HHAT: variants seen among roughly 807,000 people sequenced by gnomAD.
The protein encoded by HHAT is hedgehog acyltransferase, also known as protein-cysteine N-palmitoyltransferase HHAT.
Under a neutral mutation model 70.8 loss-of-function variants are expected in HHAT, and 47 were observed. The ratio of observed to expected loss-of-function variants is 0.66; its 90% CI spans 0.53 to 0.85. HHAT has a LOEUF of 0.85. HHAT is among the 40% of genes least tolerant of loss of function. The probability of loss-of-function intolerance (pLI) is 0.00; values close to 1 mark genes in which losing one functional copy is unlikely to be tolerated. For synonymous variants in HHAT, 228 were observed against 247.6 expected (o/e 0.92, Z 0.74); for missense variants, 609 against 604.8 (o/e 1.01, Z -0.07).
rs772866518 is a variant in HHAT at position 210,513,190 on chromosome 1, T to C, written c.1043+2T>C. On this transcript the variant is annotated splice_donor_variant, in intron 9 of 11. Transcript: ENST00000261458. LOFTEE classifies it high-confidence loss of function. ...TGGACTGCATAATTTCTTAATCAGG[T>C]AAGCCAATAATTTTTATTTTAGATA... 11 of 1,468,574 alleles carry C rather than the reference T, an allele frequency of 7.5e-6. No homozygotes were observed. Among genetic ancestry groups the C allele is most frequent in the African/African-American group, 1.4e-5 (1 of 72,044 alleles). 91.0% of individuals were successfully genotyped at this position (1,468,574 alleles called of 1,614,324 possible).
At chr1:210,464,372 A>G (rs1304498622) in intron 7 of HHAT, 133 bp from the exon 8 acceptor site, 2 of 828,784 alleles carry the variant, frequency 2.4e-6, no homozygotes, top group Admixed American at 4.5e-5. Flanking sequence ...ACTTTTGTGA[A>G]ATGTGCGAGT....
chr1:210,343,002 G>A (rs969579310), intron 1 of HHAT, among the ~76,000 whole-genome samples: 2 of 152,080 alleles, frequency 1.3e-5, no homozygotes, highest in African/African-American at 4.8e-5. Context: ...AAAGAATGAG[G>A]GTCGTGATCA....
Position 210,464,652 on chromosome 1 carries a change from G to A in HHAT, c.1004G>A (p.Trp335Ter), listed in dbSNP as rs2094058811. The change falls in exon 8 of 12, where the codon TGG becomes TAG. Residue 335 changes from tryptophan (W) to a stop codon, truncating the protein, a stop_gained. Transcript: ENST00000261458. LOFTEE classifies it high-confidence loss of function. ...ACCATGTTCAGTTTCACCGGGATGT[G>A]GAGGTCAGGCGCTGGGATTGCTAAA... The part of the protein sequence containing the change: ...VSTMFSFTGM[W>*]RYFDVGLHNF... 1 of 1,614,018 alleles carries A rather than the reference G, an allele frequency of 6.2e-7. No individual in the cohort carries two copies. Among genetic ancestry groups the A allele is most frequent in the Non-Finnish European group, 8.5e-7 (1 of 1,180,006 alleles).
At chr1:210,526,367 G>GTTCTGTTTTGTTTTTTTTTTTTTTT (rs2095245205) in intron 9 of HHAT, among the ~76,000 whole-genome samples, 5 of 142,334 alleles carry the variant, frequency 3.5e-5, no homozygotes, top group African/African-American at 1.3e-4. Flanking sequence ...AGTGGGTTCT[G>GTTCTGTTTTGTTTTTTTTTTTTTTT]TTTTTTTTTT....
chr1:210,487,193 A>G (rs750643509), intron 8 of HHAT, among the ~76,000 whole-genome samples: 61 of 152,312 alleles, frequency 4.0e-4, no homozygotes, highest in Non-Finnish European at 5.3e-4. Context: ...AGAGCAGTAG[A>G]TATGTGGACA....
intron 9 of HHAT, among the ~76,000 whole-genome samples, chr1:210,553,086 A>G (rs1476158502): frequency 1.3e-5 from 2 of 152,162 alleles, no homozygotes; most frequent in African/African-American, 4.8e-5. Flanking sequence ...AGATGTCAGC[A>G]TCTTCTTGAT....
rs368664090 is a variant in HHAT, at chr1:210,540,469, ACG to A, written c.1043+27283_1043+27284del. Among the ~76,000 whole-genome samples, 691 of 91,548 alleles carry A rather than the reference ACG, an allele frequency of 7.5e-3. 6 individuals carry two copies. Among genetic ancestry groups the A allele is most frequent in the African/African-American group, 0.019 (660 of 34,200 alleles). 60.1% of individuals were successfully genotyped at this position (91,548 alleles called of 152,430 possible). On this transcript the variant is annotated intron_variant, in intron 9 of 11. Transcript: ENST00000261458. ...TACACACACACACACACACACACAC[ACG>A]CACACACATGCACACACACGCACAC...
chr1:210,579,932 A>G (rs1341597242), intron 9 of HHAT, among the ~76,000 whole-genome samples: 4 of 152,364 alleles, frequency 2.6e-5, no homozygotes, highest in African/African-American at 7.2e-5. Flanking sequence ...CATCAGCACA[A>G]TACTTCAACT....
chr1:210,549,564 T>C (rs954147742), intron 9 of HHAT, among the ~76,000 whole-genome samples: 2 of 148,842 alleles, frequency 1.3e-5, no homozygotes, highest in Non-Finnish European at 2.9e-5. Flanking sequence ...GCCTACAGGG[T>C]CTGGTAATAA....
At chr1:210,467,795 C>T (rs997774156) in intron 8 of HHAT, among the ~76,000 whole-genome samples, 2 of 152,188 alleles carry the variant, frequency 1.3e-5, no homozygotes, top group African/African-American at 4.8e-5. Flanking sequence ...TAGCCACCCC[C>T]CATTTTAATG....
chr1:210,460,405 C>T (rs1222466607), intron 7 of HHAT, among the ~76,000 whole-genome samples: 6 of 152,114 alleles, frequency 3.9e-5, no homozygotes, highest in Non-Finnish European at 2.9e-5. Context: ...AGCAGGTGTA[C>T]CCACTGATGC....
chr1:210,593,028 G>A (rs1005405528), intron 10 of HHAT, among the ~76,000 whole-genome samples: 5 of 151,680 alleles, frequency 3.3e-5, no homozygotes, highest in South Asian at 2.1e-4. Context: ...ATCCCTCCCC[G>A]CTTCCCCCAC....
At chr1:210,477,159 G>A (rs1451632229) in intron 8 of HHAT, among the ~76,000 whole-genome samples, 1 of 152,144 alleles carries the variant, frequency 6.6e-6, no homozygotes, top group Non-Finnish European at 1.5e-5. Context: ...AGGCAGGGAG[G>A]GTGCTGGAGG....
intron 10 of HHAT, among the ~76,000 whole-genome samples, chr1:210,591,766 T>C (rs561234038): frequency 2.5e-4 from 38 of 152,270 alleles, no homozygotes; most frequent in African/African-American, 8.7e-4. Flanking sequence ...TAGTTTTGAT[T>C]TGAATTTTTC....
intron 11 of HHAT, 54 bp downstream of exon 11, chr1:210,623,724 G>T: frequency 6.4e-7 from 1 of 1,559,184 alleles, no homozygotes; most frequent in Non-Finnish European, 8.8e-7. Flanking sequence ...CCATGTATGC[G>T]GATGGGATCA....
At chr1:210,381,363 C>T (rs1012105519) in intron 3 of HHAT, among the ~76,000 whole-genome samples, 1 of 152,078 alleles carries the variant, frequency 6.6e-6, no homozygotes, top group East Asian at 1.9e-4. Context: ...TCACTGCAAC[C>T]TCCACCTCCC....
At chr1:210,422,586 ATTCT>A (rs1424174122) in intron 7 of HHAT, among the ~76,000 whole-genome samples, 2 of 152,140 alleles carry the variant, frequency 1.3e-5, no homozygotes, top group Admixed American at 1.3e-4. Flanking sequence ...ACAAAATTTC[ATTCT>A]TTTTTATGGT....
At chr1:210,650,184 A>C (rs947229309) in intron 11 of HHAT, among the ~76,000 whole-genome samples, 1 of 152,230 alleles carries the variant, frequency 6.6e-6, no homozygotes, top group African/African-American at 2.4e-5. Context: ...AATCCTGTTG[A>C]ATAAATAGAG....
At chr1:210,478,324 C>A (rs2094337232) in intron 8 of HHAT, among the ~76,000 whole-genome samples, 2 of 152,150 alleles carry the variant, frequency 1.3e-5, no homozygotes, top group Admixed American at 1.3e-4. Flanking sequence ...CAATCATGAT[C>A]AACTAAAATG....
Sources: gnomAD v4.1 joint callset for allele counts (sites outside exome capture counted in the v4.1 genomes callset) on GRCh38, gnomAD v4.1.1 for gene constraint, MANE v1.5 for transcripts, NCBI Gene and HGNC (gene_info 2026-07-23, HGNC 2026-07-21) for gene names.